Variants in AKR1B1 observed in about 807,000 individuals in gnomAD.
AKR1B1 encodes the protein aldo-keto reductase family 1 member B1.
Under a neutral mutation model 40.4 loss-of-function variants are expected in AKR1B1, and 22 were observed. That is an observed-to-expected ratio of 0.54 (90% CI 0.39 to 0.78). AKR1B1 has a LOEUF of 0.78. Among genes scored for constraint, AKR1B1 ranks in the 30% least tolerant of loss-of-function variants. AKR1B1 has a pLI of 0.00. For missense variants in AKR1B1, 357 were observed against 396.7 expected (o/e 0.90, Z 0.85); for synonymous variants, 157 against 149.9 (o/e 1.05, Z -0.35).
At chr7:134,448,563 C>A in intron 5 of AKR1B1, 70 bp from the exon 6 acceptor site, 1 of 1,214,720 alleles carries the variant, frequency 8.2e-7, no homozygotes, top group Non-Finnish European at 1.2e-6. Context: ...GATGAAGCTT[C>A]CTATGCTAAA....
intron 9 of AKR1B1, among the ~76,000 whole-genome samples, chr7:134,444,447 G>A (rs1806036808): frequency 6.6e-6 from 1 of 152,240 alleles, no homozygotes; most frequent in Non-Finnish European, 1.5e-5. Context: ...CGCTGGAAAG[G>A]GAAAGCTGGT....
chr7:134,442,852 T>C, intron 9 of AKR1B1, 82 bp from the exon 10 acceptor site: 2 of 1,318,628 alleles, frequency 1.5e-6, no homozygotes, highest in Admixed American at 3.5e-5. Flanking sequence ...AAATGATGTG[T>C]CTCACTGAAG....
At chr7:134,445,791 G>A (rs1488414728) in intron 8 of AKR1B1, among the ~76,000 whole-genome samples, 1 of 152,254 alleles carries the variant, frequency 6.6e-6, no homozygotes, top group African/African-American at 2.4e-5. Flanking sequence ...AACCACAGCC[G>A]AAGAGGAGAT....
intron 4 of AKR1B1, 170 bp from the exon 5 acceptor site, chr7:134,449,289 A>G: frequency 1.0e-6 from 1 of 973,992 alleles, no homozygotes; most frequent in Non-Finnish European, 1.6e-6. Context: ...CTTTAATGAG[A>G]TAAGAAGAGC....
At chr7:134,459,139 G>C (rs1005456558), upstream of AKR1B1, 32 of 1,525,560 alleles carry the variant, frequency 2.1e-5, no homozygotes, top group Admixed American at 3.3e-4. Context: ...TAGCCCGTGA[G>C]GTCGGCAGAA....
chr7:134,458,213 T>C (rs1358688918), intron 1 of AKR1B1, among the ~76,000 whole-genome samples: 5 of 152,134 alleles, frequency 3.3e-5, no homozygotes. Flanking sequence ...TTTCATGTCC[T>C]ATTGTCATTC....
intron 3 of AKR1B1, among the ~76,000 whole-genome samples, chr7:134,450,294 A>T (rs543605540): frequency 6.6e-6 from 1 of 152,354 alleles, no homozygotes; most frequent in East Asian, 1.9e-4. Context: ...AAAAGGCAAA[A>T]GACAAAGTAA....
At chr7:134,456,531 A>G (rs1806480125) in intron 1 of AKR1B1, among the ~76,000 whole-genome samples, 1 of 151,780 alleles carries the variant, frequency 6.6e-6, no homozygotes. Flanking sequence ...TAAAAAAAAA[A>G]AGGAAGTTGA....
intron 8 of AKR1B1, among the ~76,000 whole-genome samples, chr7:134,445,894 G>A (rs1157900705): frequency 3.3e-5 from 5 of 152,246 alleles, no homozygotes; most frequent in Admixed American, 6.5e-5. Flanking sequence ...GAAGGCAGCA[G>A]ACGGTACAGA....
chr7:134,444,049 G>A (rs1282644946), intron 9 of AKR1B1, among the ~76,000 whole-genome samples: 1 of 152,208 alleles, frequency 6.6e-6, no homozygotes, highest in Non-Finnish European at 1.5e-5. Context: ...AGCCCTGAAA[G>A]CTTCAATCCA....
At chr7:134,453,628 C>A (rs1790998) in intron 1 of AKR1B1, among the ~76,000 whole-genome samples, 83,120 of 151,736 alleles carry the variant, frequency 0.55, 25,060 homozygotes, top group African/African-American at 0.82. Context: ...GTTGGCACGA[C>A]ATGAAAAAAA....
intron 8 of AKR1B1, among the ~76,000 whole-genome samples, chr7:134,446,967 C>A (rs1806116809): frequency 6.6e-6 from 1 of 152,118 alleles, no homozygotes; most frequent in South Asian, 2.1e-4. Context: ...CAGCTGGTAG[C>A]TGACAGAGCT....
At chr7:134,446,875 G>A (rs971906370) in intron 8 of AKR1B1, among the ~76,000 whole-genome samples, 1 of 152,210 alleles carries the variant, frequency 6.6e-6, no homozygotes, top group East Asian at 1.9e-4. Flanking sequence ...CTTAATCTTC[G>A]TAACAACCCT....
At chr7:134,450,436 G>A (rs1384224606) in intron 3 of AKR1B1, among the ~76,000 whole-genome samples, 3 of 152,214 alleles carry the variant, frequency 2.0e-5, no homozygotes, top group Admixed American at 2.0e-4. Flanking sequence ...GCCTGGAGGG[G>A]AGGGCCAGGG....
rs747606394 is a variant in AKR1B1, at chr7:134,458,978, C to T, written c.66+19G>A. On this transcript the variant is annotated intron_variant, in intron 1 of 9. Transcript: ENST00000285930. Reference sequence around the variant, plus strand: ...GAGTGTGAGGCGAGCCCCGGGCCCGCGCCCCCACGAGCACCTACCTTCCAG... The same window carrying T: ...GAGTGTGAGGCGAGCCCCGGGCCCGTGCCCCCACGAGCACCTACCTTCCAG... 45 of 1,601,134 alleles carry T rather than the reference C, an allele frequency of 2.8e-5. No individual in the cohort carries two copies. Among genetic ancestry groups the T allele is most frequent in the Non-Finnish European group, 3.8e-5 (45 of 1,174,666 alleles).
chr7:134,444,949 A>C, intron 9 of AKR1B1: 1 of 532,960 alleles, frequency 1.9e-6, no homozygotes. Context: ...GTTTCAGATG[A>C]ACTGCTAGGA....
upstream of AKR1B1, chr7:134,459,230 A>G: frequency 2.5e-6 from 2 of 789,066 alleles, no homozygotes; most frequent in Non-Finnish European, 4.1e-6. Context: ...GGCCTTCCCC[A>G]AGGGTCGGCG....
chr7:134,455,449 C>G (rs1212462395), intron 1 of AKR1B1, among the ~76,000 whole-genome samples: 2 of 152,164 alleles, frequency 1.3e-5, no homozygotes, highest in African/African-American at 2.4e-5. Context: ...AGGAGACTTA[C>G]AATGACTTTT....
chr7:134,451,905 T>C, intron 1 of AKR1B1, 152 bp from the exon 2 acceptor site: 4 of 809,316 alleles, frequency 4.9e-6, no homozygotes, highest in Non-Finnish European at 8.2e-6. Flanking sequence ...TTCTGGACTA[T>C]CAGCCTCAGA....
Sources: allele counts gnomAD v4.1 joint callset (sites outside exome capture counted in the v4.1 genomes callset), GRCh38; gene constraint gnomAD v4.1.1; transcripts MANE v1.5; gene names NCBI Gene and HGNC (gene_info 2026-07-23, HGNC 2026-07-21).